Variants in IL16 observed in about 807,000 individuals in gnomAD.
IL16 encodes the protein interleukin 16, also known as pro-interleukin-16.
A neutral mutation model predicts 110.1 loss-of-function variants in IL16; 67 were observed. The ratio of observed to expected loss-of-function variants is 0.61; its 90% CI spans 0.50 to 0.75. The LOEUF is 0.75. Among genes scored for constraint, IL16 ranks in the 30% least tolerant of loss-of-function variants. The pLI is 0.00. For missense variants in IL16, 1,545 were observed against 1,655.0 expected (o/e 0.93, Z 1.15); for synonymous variants, 689 against 662.9 (o/e 1.04, Z -0.61).
In IL16 at chr15:81,241,572, A is replaced by T. The variant is rs575780116; in HGVS notation, c.312+15861A>T. Among the ~76,000 whole-genome samples the T allele has an allele frequency of 7.9e-5, 12 of 152,196 alleles. No individual in the cohort carries two copies. The South Asian group carries it at 2.5e-3, about 32-fold the overall frequency. ...TAATTCTTATCTTTTTAATAATTCT[A>T]TTTATGAACTGCTATTTGCTGGCAT... On this transcript the variant is annotated intron_variant, in intron 2 of 18. Coordinates refer to ENST00000683961, the MANE Select transcript of IL16 (RefSeq NM_172217.5).
intron 17 of IL16, 64 bp downstream of exon 17, chr15:81,306,230 A>G (rs1488485416): frequency 6.4e-7 from 1 of 1,572,534 alleles, no homozygotes; most frequent in Admixed American, 1.7e-5. Flanking sequence ...TTGGGGCCAG[A>G]CCTGATGGGG....
In IL16 at chr15:81,212,572, G is replaced by A. The variant is rs897681465; in HGVS notation, c.-101-12727G>A. Among the ~76,000 whole-genome samples, 3 of 152,034 alleles carry A rather than the reference G, an allele frequency of 2.0e-5. No individual in the cohort carries two copies. The East Asian group carries it at 5.8e-4, about 29-fold the overall frequency. On this transcript the variant is annotated intron_variant, in intron 1 of 18. Transcript: ENST00000683961. ...CTGCAGCCTTGACTCCCTGGGCTCA[G>A]GTGATTCTCCCACTTCAGCCTCCCA...
At chr15:81,238,862 T>C (rs1463547675) in intron 2 of IL16, among the ~76,000 whole-genome samples, 1 of 151,804 alleles carries the variant, frequency 6.6e-6, no homozygotes, top group African/African-American at 2.4e-5. Flanking sequence ...TATCTTTATT[T>C]TCCATCATTC....
intron 1 of IL16, among the ~76,000 whole-genome samples, chr15:81,189,755 G>A (rs1347800978): frequency 2.0e-5 from 3 of 152,206 alleles, no homozygotes; most frequent in Non-Finnish European, 2.9e-5. Flanking sequence ...AAGGATGCAC[G>A]AAGCATCTGG....
intron 2 of IL16, among the ~76,000 whole-genome samples, chr15:81,233,461 G>C (rs28477229): frequency 4.4e-5 from 4 of 90,330 alleles, no homozygotes; most frequent in African/African-American, 3.3e-4. Context: ...TTCTCTTTCT[G>C]TGTGTGTGTG....
At chr15:81,200,988 A>G (rs1352922591) in intron 1 of IL16, among the ~76,000 whole-genome samples, 1 of 152,168 alleles carries the variant, frequency 6.6e-6, no homozygotes, top group Non-Finnish European at 1.5e-5. Flanking sequence ...TCATCCTCCA[A>G]GGATGGTTGT....
rs146336480 is a variant in IL16, at chr15:81,239,535, G to C, written c.312+13824G>C. Among the ~76,000 whole-genome samples the C allele has an allele frequency of 6.9e-3, 1,048 of 152,280 alleles. 18 individuals carry two copies. Among genetic ancestry groups the C allele is most frequent in the African/African-American group, 0.024 (978 of 41,548 alleles). On this transcript the variant is annotated intron_variant, in intron 2 of 18. Transcript: ENST00000683961. Reference sequence around the variant, plus strand: ...CTCTTTTTCTACTAGGTGGAGAGCAGAAAAAAATGAAGCACTCAGCTGATG... The same window carrying C: ...CTCTTTTTCTACTAGGTGGAGAGCACAAAAAAATGAAGCACTCAGCTGATG...
intron 2 of IL16, among the ~76,000 whole-genome samples, chr15:81,244,307 T>C (rs769792890): frequency 6.6e-6 from 1 of 152,028 alleles, no homozygotes; most frequent in Non-Finnish European, 1.5e-5. Context: ...CGTTTTAAGA[T>C]TCTTTTTGTT....
intron 1 of IL16, among the ~76,000 whole-genome samples, chr15:81,220,828 AAGG>A (rs1896590725): frequency 6.6e-6 from 1 of 151,596 alleles, no homozygotes; most frequent in Non-Finnish European, 1.5e-5. Flanking sequence ...GGAAGGAAGG[AAGG>A]AGGAGGAAGG....
In IL16 at chr15:81,278,831, G is replaced by A. The variant is rs760626249; in HGVS notation, c.805G>A (p.Glu269Lys). The change falls in exon 7 of 19, where the codon GAG (glutamate) becomes AAG (lysine). Residue 269 changes from glutamate (E) to lysine (K), a missense_variant. By Grantham distance (56) the Glu-to-Lys change is moderately conservative. Coordinates refer to ENST00000683961, the MANE Select transcript of IL16 (RefSeq NM_172217.5). ...GRLQEGDEIL[E>K]LNGESMAGLT... The stretch of plus-strand genomic sequence containing the variant: ...TCTCTAAACAGGTGATGAAATTCTG[G>A]AGCTCAATGGTGAATCAATGGCTGG... The A allele has an allele frequency of 1.2e-6, 2 of 1,611,410 alleles. No individual in the cohort carries two copies. Among genetic ancestry groups the A allele is most frequent in the South Asian group, 2.2e-5 (2 of 91,018 alleles).
intron 3 of IL16, among the ~76,000 whole-genome samples, chr15:81,264,710 A>G (rs975564533): frequency 6.9e-6 from 1 of 145,042 alleles, no homozygotes; most frequent in Admixed American, 6.9e-5. Context: ...TGTAGTCTTG[A>G]GCACTTGAAA....
chr15:81,213,090 T>A (rs527855914), intron 1 of IL16, among the ~76,000 whole-genome samples: 28 of 152,314 alleles, frequency 1.8e-4, no homozygotes, highest in African/African-American at 6.7e-4. Context: ...GTATCCCTAT[T>A]TTCATTAATT....
chr15:81,217,926 A>G (rs1373763631), intron 1 of IL16, among the ~76,000 whole-genome samples: 2 of 152,176 alleles, frequency 1.3e-5, no homozygotes, highest in Admixed American at 6.5e-5. Context: ...AACATTCTAC[A>G]TACTAGAAAA....
In IL16 at chr15:81,225,461, G is replaced by A. The variant is rs1896756561; in HGVS notation, c.62G>A (p.Arg21Lys). 6.2e-7 allele frequency: 1 copy of A among 1,614,148 alleles called. No homozygotes were observed. The highest frequency in any genetic ancestry group is 1.7e-5 in the Admixed American group (1 of 60,008). Residue 21 changes from arginine to lysine, a missense_variant, in exon 2 of 19, where the codon AGG (arginine) becomes AAG (lysine). Arg to Lys is a conservative substitution (Grantham distance 26). Coordinates refer to ENST00000683961, the MANE Select transcript of IL16 (RefSeq NM_172217.5). ...TCTGCAAAATTTCGGTCCATCTCCA[G>A]GTCCCTGATGCTCTGTAATGCTAAG... The part of the protein sequence containing the change: ...RKSAKFRSIS[R>K]SLMLCNAKTS...
intron 18 of IL16, among the ~76,000 whole-genome samples, chr15:81,308,268 C>T (rs1596062795): frequency 6.6e-6 from 1 of 152,300 alleles, no homozygotes; most frequent in East Asian, 1.9e-4. Flanking sequence ...GTGTCCAAAG[C>T]AGGGTCTGGG....
At chr15:81,213,466 G>A (rs980981470) in intron 1 of IL16, among the ~76,000 whole-genome samples, 1 of 152,146 alleles carries the variant, frequency 6.6e-6, no homozygotes, top group Non-Finnish European at 1.5e-5. Context: ...TTGATGATCT[G>A]TCTAACATTG....
intron 1 of IL16, among the ~76,000 whole-genome samples, chr15:81,217,028 A>C (rs945322626): frequency 1.3e-5 from 2 of 151,970 alleles, no homozygotes; most frequent in East Asian, 1.9e-4. Context: ...AGATAGAAAA[A>C]AAATAAAACA....
intron 2 of IL16, among the ~76,000 whole-genome samples, chr15:81,231,327 T>C (rs918687944): frequency 7.2e-5 from 5 of 69,410 alleles, no homozygotes; most frequent in Non-Finnish European, 1.1e-4. Context: ...TCGGTCTGTC[T>C]CTCTCTCTCT....
chr15:81,194,241 GC>G (rs1310038871), upstream of IL16, among the ~76,000 whole-genome samples: 1 of 152,136 alleles, frequency 6.6e-6, no homozygotes, highest in African/African-American at 2.4e-5. Context: ...TAGTACAGAA[GC>G]TGGGGCTTAT....
Sources: allele counts gnomAD v4.1 joint callset (sites outside exome capture counted in the v4.1 genomes callset), GRCh38; gene constraint gnomAD v4.1.1; transcripts MANE v1.5; gene names NCBI Gene and HGNC (gene_info 2026-07-23, HGNC 2026-07-21).